The following RTN1 variants were observed in gnomAD, a reference collection of about 807,000 sequenced individuals.
RTN1 encodes reticulon 1, also known as reticulon-1.
RTN1 carries 25 observed loss-of-function variants against 65.5 expected under a neutral mutation model. The observed-to-expected ratio is 0.38, with a 90% CI of 0.28 to 0.53. The LOEUF is 0.53. RTN1 is among the 20% of genes least tolerant of loss of function. RTN1 has a pLI of 0.79. For missense variants in RTN1, 983 were observed against 1,025.4 expected, an observed-to-expected ratio of 0.96 and a Z score of 0.57; for synonymous variants, 471 against 447.6, an observed-to-expected ratio of 1.05 and a Z score of -0.66.
rs578233918 is a variant in RTN1, at chr14:59,794,125, C to T, written c.242-47644G>A. ...CAGAATGGTACCATCTCCTTTACCA[C>T]AATTACTAATACCCCAAAGATAAGT... On this transcript the variant is annotated intron_variant, in intron 1 of 8. Coordinates refer to ENST00000267484, the MANE Select transcript of RTN1 (RefSeq NM_021136.3). The surrounding 1 kb of genome is among the most constrained non-coding windows in gnomAD (Gnocchi z 5.1). Among the ~76,000 whole-genome samples, 2 of 152,272 alleles carry T rather than the reference C, an allele frequency of 1.3e-5. No homozygotes were observed. Among genetic ancestry groups the T allele is most frequent in the South Asian group, 4.1e-4 (2 of 4,822 alleles).
chr14:59,667,803 C>G (rs1015495994), intron 3 of RTN1, among the ~76,000 whole-genome samples: 36 of 152,094 alleles, frequency 2.4e-4, no homozygotes, highest in African/African-American at 5.1e-4. Flanking sequence ...ACAAGCATTC[C>G]TCTACACCAT....
intron 1 of RTN1, among the ~76,000 whole-genome samples, chr14:59,832,305 C>G (rs1168019780): frequency 6.6e-6 from 1 of 152,008 alleles, no homozygotes; most frequent in Admixed American, 6.5e-5. Context: ...ATAAAGTTCC[C>G]TACATCTTTT....
intron 4 of RTN1, 36 bp from the exon 5 acceptor site, chr14:59,605,542 G>C (rs1334176195): frequency 6.2e-7 from 1 of 1,611,088 alleles, no homozygotes; most frequent in Admixed American, 1.7e-5. Context: ...AATTCCGTCA[G>C]AGGGAATCAT....
chr14:59,800,946 A>T (rs1413809474), intron 1 of RTN1, among the ~76,000 whole-genome samples: 1 of 143,660 alleles, frequency 7.0e-6, no homozygotes, highest in Non-Finnish European at 1.5e-5. Flanking sequence ...TAAAAGATGT[A>T]AAAAAAAAAG....
At chr14:59,785,797 C>A (rs117364428) in intron 1 of RTN1, among the ~76,000 whole-genome samples, 1 of 152,186 alleles carries the variant, frequency 6.6e-6, no homozygotes. Context: ...CACACCCCTG[C>A]CCTTTCCACC....
chr14:59,605,594 C>A, intron 4 of RTN1, 88 bp from the exon 5 acceptor site: 1 of 1,420,746 alleles, frequency 7.0e-7, no homozygotes, highest in South Asian at 1.3e-5. Context: ...AGCGTTCCTA[C>A]TCTCACTCTG....
chr14:59,727,010 C>G lies in RTN1; in HGVS notation c.1674G>C (p.Ser558=), dbSNP rs34400407. The G allele has an allele frequency of 6.2e-7, 1 of 1,613,486 alleles. No homozygotes were observed. The highest frequency in any genetic ancestry group is 8.5e-7 in the Non-Finnish European group (1 of 1,179,762). ...TGGCCGCAGGACTTTGGTTGGAACT[C>G]GAGTCTTCTTCAGGCTTCCGTGGCA... The part of the protein sequence containing the change: ...PMLPRKPEED[S]SSNQSPAATK... The change falls in exon 3 of 9, where the codon TCG becomes TCC. Residue 558 remains serine (S), a synonymous_variant. Transcript: ENST00000267484. This position sits in a 1 kb window ranked among gnomAD's most constrained non-coding sequence, Gnocchi z 4.2.
chr14:59,789,289 T>C (rs1331237996), intron 1 of RTN1, among the ~76,000 whole-genome samples: 1 of 152,112 alleles, frequency 6.6e-6, no homozygotes, highest in Non-Finnish European at 1.5e-5. Context: ...TAGATGGCAT[T>C]TGTTCATGAT....
chr14:59,605,326 TA>T (rs1881707910), intron 5 of RTN1, 41 bp downstream of exon 5: 3 of 1,581,786 alleles, frequency 1.9e-6, no homozygotes, highest in Non-Finnish European at 2.6e-6. Flanking sequence ...TTAGGGAAAA[TA>T]ACAGTCAAGA....
intron 3 of RTN1, among the ~76,000 whole-genome samples, chr14:59,658,756 T>A: frequency 6.6e-6 from 1 of 152,270 alleles, no homozygotes; most frequent in East Asian, 1.9e-4. Flanking sequence ...CAAAGGTAGA[T>A]GAATCCACGA....
chr14:59,795,246 A>C (rs1482610174), intron 1 of RTN1, among the ~76,000 whole-genome samples: 2 of 152,264 alleles, frequency 1.3e-5, no homozygotes, highest in Non-Finnish European at 2.9e-5. Flanking sequence ...AAAGATTTAA[A>C]AAAAATAGTA....
At chr14:59,799,176 C>A (rs1007611952) in intron 1 of RTN1, among the ~76,000 whole-genome samples, 7 of 152,088 alleles carry the variant, frequency 4.6e-5, no homozygotes, top group Non-Finnish European at 7.4e-5. Context: ...ATTTAAAATT[C>A]TTTAAAAGGA....
At chr14:59,810,680 G>C (rs1028851795) in intron 1 of RTN1, among the ~76,000 whole-genome samples, 1 of 152,196 alleles carries the variant, frequency 6.6e-6, no homozygotes, top group Non-Finnish European at 1.5e-5. Context: ...TGACATCGGT[G>C]GGGAGGAACA....
intron 1 of RTN1, among the ~76,000 whole-genome samples, chr14:59,756,067 T>A (rs746644536): frequency 1.8e-4 from 27 of 152,200 alleles, no homozygotes; most frequent in Non-Finnish European, 3.5e-4. Flanking sequence ...TAGCAAAAAA[T>A]TCTCTTAAAG....
intron 1 of RTN1, among the ~76,000 whole-genome samples, chr14:59,813,202 T>A (rs74061320): frequency 0.011 from 1,600 of 152,318 alleles, 29 homozygotes; most frequent in African/African-American, 0.037. Flanking sequence ...AATGATTTCA[T>A]TATTAGATAA....
At chr14:59,705,820 T>C (rs749086077) in intron 3 of RTN1, among the ~76,000 whole-genome samples, 1 of 152,212 alleles carries the variant, frequency 6.6e-6, no homozygotes, top group Non-Finnish European at 1.5e-5. Flanking sequence ...TTAGCTTCTG[T>C]TGGGGCTCAG....
rs376972006 is a variant in RTN1, at chr14:59,610,180, C to A, written c.1766-2688G>T. 8.7e-4 allele frequency: 666 copies of A among 761,724 alleles called. 3 individuals are homozygous for A. Among genetic ancestry groups the A allele is most frequent in the Non-Finnish European group, 1.4e-3 (576 of 409,010 alleles). 47.2% of individuals were successfully genotyped at this position (761,724 alleles called of 1,614,324 possible). On this transcript the variant is annotated intron_variant, in intron 3 of 8. Transcript: ENST00000267484. ...CCTAAATCTCCAACCAGGAGGCCACCTGCTCAAGAAGTCTGTGAATGGCAG... is the reference window on the plus strand; with the variant it reads ...CCTAAATCTCCAACCAGGAGGCCACATGCTCAAGAAGTCTGTGAATGGCAG...
chr14:59,690,618 A>G (rs1338034737), intron 3 of RTN1, among the ~76,000 whole-genome samples: 2 of 152,076 alleles, frequency 1.3e-5, no homozygotes, highest in Non-Finnish European at 2.9e-5. Context: ...GAATACTCCA[A>G]CCACCAACCA....
chr14:59,818,830 A>AT (rs1346475894), intron 1 of RTN1, among the ~76,000 whole-genome samples: 1 of 152,196 alleles, frequency 6.6e-6, no homozygotes, highest in Non-Finnish European at 1.5e-5. Flanking sequence ...GACATCTGCT[A>AT]TTTTTTGACT....
Sources: gnomAD v4.1 joint callset for allele counts (sites outside exome capture counted in the v4.1 genomes callset) on GRCh38, gnomAD v4.1.1 for gene constraint, Gnocchi (gnomAD v3.1) non-coding constraint, MANE v1.5 for transcripts, NCBI Gene and HGNC (gene_info 2026-07-23, HGNC 2026-07-21) for gene names.